NRXN1: variants seen among roughly 807,000 people sequenced by gnomAD.
NRXN1 encodes the protein neurexin-1.
A neutral mutation model predicts 150.9 loss-of-function variants in NRXN1; 39 were observed. That is an observed-to-expected ratio of 0.26 (90% confidence interval 0.20 to 0.34). The LOEUF (loss-of-function observed/expected upper bound fraction) is 0.34. Among genes scored for constraint, NRXN1 ranks in the 10% least tolerant of loss-of-function variants. NRXN1 has a pLI of 1.00. For missense variants in NRXN1, 1,815 were observed against 1,949.9 expected (o/e 0.93, Z 1.30); for synonymous variants, 924 against 757.0 (o/e 1.22, Z -3.62).
chr2:50,244,149 A>C (rs1259210531), intron 17 of NRXN1, among the ~76,000 whole-genome samples: 1 of 151,940 alleles, frequency 6.6e-6, no homozygotes, highest in Non-Finnish European at 1.5e-5. Flanking sequence ...ACATTTTATC[A>C]CATTTTGATG....
intron 5 of NRXN1, among the ~76,000 whole-genome samples, chr2:50,909,217 T>C (rs1244120376): frequency 1.3e-5 from 2 of 151,966 alleles, no homozygotes; most frequent in Non-Finnish European, 2.9e-5. Flanking sequence ...CAGATTTTGA[T>C]TAAAATAAAG....
intron 8 of NRXN1, among the ~76,000 whole-genome samples, chr2:50,601,646 C>T (rs368157913): frequency 1.2e-4 from 18 of 152,242 alleles, no homozygotes; most frequent in Non-Finnish European, 2.5e-4. Context: ...GTAAGTTTTT[C>T]CTAACAATGT....
chr2:50,329,113 C>A (rs1405564754), intron 17 of NRXN1, among the ~76,000 whole-genome samples: 1 of 151,700 alleles, frequency 6.6e-6, no homozygotes, highest in Non-Finnish European at 1.5e-5. Flanking sequence ...GCACCATAAA[C>A]AAAATTAAAA....
intron 5 of NRXN1, among the ~76,000 whole-genome samples, chr2:50,905,494 G>C (rs374396144): frequency 1.1e-3 from 164 of 152,188 alleles, no homozygotes; most frequent in African/African-American, 3.9e-3. Context: ...GAACCAGAAA[G>C]CTACCAATTC....
intron 15 of NRXN1, among the ~76,000 whole-genome samples, chr2:50,476,246 C>G (rs1231813312): frequency 6.6e-6 from 1 of 152,036 alleles, no homozygotes; most frequent in African/African-American, 2.4e-5. Context: ...CACTATGTTC[C>G]TCTCAAGAGT....
chr2:50,764,169 T>A (rs559143561), intron 5 of NRXN1, among the ~76,000 whole-genome samples: 1 of 151,876 alleles, frequency 6.6e-6, no homozygotes, highest in African/African-American at 2.4e-5. Context: ...CCCCTCTCTA[T>A]CATATATACT....
At chr2:50,374,521 T>C (rs2080345067) in intron 17 of NRXN1, among the ~76,000 whole-genome samples, 1 of 152,012 alleles carries the variant, frequency 6.6e-6, no homozygotes, top group South Asian at 2.1e-4. Flanking sequence ...TGCCAAGTGG[T>C]CAAGATGTTC....
chr2:50,164,647 A>T (rs1336995189), intron 18 of NRXN1, among the ~76,000 whole-genome samples: 1 of 152,170 alleles, frequency 6.6e-6, no homozygotes, highest in Non-Finnish European at 1.5e-5. Context: ...TCTAAAGAAT[A>T]TGGGGCCAGA....
intron 17 of NRXN1, among the ~76,000 whole-genome samples, chr2:50,296,073 G>A (rs976524856): frequency 1.3e-5 from 2 of 152,114 alleles, no homozygotes; most frequent in African/African-American, 4.8e-5. Flanking sequence ...CTGTGGGCAC[G>A]GCATTTCTAG....
At chr2:50,399,092 T>C (rs941646363) in intron 17 of NRXN1, among the ~76,000 whole-genome samples, 2 of 152,216 alleles carry the variant, frequency 1.3e-5, no homozygotes, top group Non-Finnish European at 2.9e-5. Context: ...TTGATTATTC[T>C]ACTAACCCTC....
intron 5 of NRXN1, among the ~76,000 whole-genome samples, chr2:50,780,380 T>C (rs550420748): frequency 9.9e-5 from 15 of 152,172 alleles, no homozygotes; most frequent in Non-Finnish European, 1.9e-4. Flanking sequence ...AACATAAAAT[T>C]TACAATATAA....
intron 8 of NRXN1, among the ~76,000 whole-genome samples, chr2:50,560,835 G>T (rs1352765807): frequency 6.6e-6 from 1 of 152,108 alleles, no homozygotes; most frequent in Non-Finnish European, 1.5e-5. Context: ...CTGATTCAGA[G>T]ACCATGTACA....
chr2:50,758,080 T>C (rs2105365431), intron 5 of NRXN1: 1 of 151,814 alleles, frequency 6.6e-6, no homozygotes, highest in South Asian at 2.1e-4. Context: ...ATGTCTGGAG[T>C]CTGCAGTCAG....
At chr2:50,277,161 G>A (rs1270245848) in intron 17 of NRXN1, among the ~76,000 whole-genome samples, 7 of 152,032 alleles carry the variant, frequency 4.6e-5, no homozygotes, top group Admixed American at 4.6e-4. Context: ...AACAAAAAAA[G>A]CCTAACATTT....
chr2:50,117,749 C>G (rs1343903581), intron 18 of NRXN1, among the ~76,000 whole-genome samples: 2 of 144,186 alleles, frequency 1.4e-5, no homozygotes, highest in Non-Finnish European at 3.0e-5. Context: ...TTCAGTGAGC[C>G]AAATCATAAA....
intron 5 of NRXN1, among the ~76,000 whole-genome samples, chr2:50,712,760 C>T (rs1320197911): frequency 6.6e-6 from 1 of 152,094 alleles, no homozygotes; most frequent in Non-Finnish European, 1.5e-5. Context: ...AGCTTTGTGT[C>T]CCTGTGTAAC....
In NRXN1 at chr2:51,027,495, G is replaced by T. The variant is rs1219827821; in HGVS notation, c.772+7C>A. 2 of 1,519,738 alleles carry T rather than the reference G, an allele frequency of 1.3e-6. No individual in the cohort carries two copies. The highest frequency in any genetic ancestry group is 1.8e-6 in the Non-Finnish European group (2 of 1,134,118). 94.1% of individuals were successfully genotyped at this position (1,519,738 alleles called of 1,614,324 possible). ...CCGGCCCCCGTGGGTCGGGCGTCGG[G>T]CCTTACCTTGGCTGCAGTCCTTGCC... On this transcript the variant is annotated splice_region_variant and intron_variant, in intron 2 of 22. Coordinates refer to ENST00000401669, the MANE Select transcript of NRXN1 (RefSeq NM_001330078.2).
At chr2:50,424,301 G>A (rs1180840141) in intron 17 of NRXN1, among the ~76,000 whole-genome samples, 18 of 101,506 alleles carry the variant, frequency 1.8e-4, no homozygotes, top group Non-Finnish European at 3.9e-5. Flanking sequence ...GAAGAAGGAG[G>A]AGGAGGAGGG....
At chr2:50,589,730 C>G (rs1673801267) in intron 8 of NRXN1, among the ~76,000 whole-genome samples, 1 of 118,670 alleles carries the variant, frequency 8.4e-6, no homozygotes, top group Non-Finnish European at 1.8e-5. Context: ...TGCAGCAAAA[C>G]CCAACTGTTA....
Sources: gnomAD v4.1 joint callset for allele counts (sites outside exome capture counted in the v4.1 genomes callset) on GRCh38, gnomAD v4.1.1 for gene constraint, MANE v1.5 for transcripts, NCBI Gene and HGNC (gene_info 2026-07-23, HGNC 2026-07-21) for gene names.